The following OGDH variants were observed in gnomAD, a reference collection of about 807,000 sequenced individuals.
OGDH encodes 2-oxoglutarate dehydrogenase complex component E1.
Under a neutral mutation model 116.6 loss-of-function variants are expected in OGDH, and 38 were observed. The ratio of observed to expected loss-of-function variants is 0.33; its 90% CI spans 0.25 to 0.43. The LOEUF is 0.43. Among genes scored for constraint, OGDH ranks in the 20% least tolerant of loss-of-function variants. The pLI is 1.00. For missense variants in OGDH, 825 were observed against 1,357.2 expected, an observed-to-expected ratio of 0.61 and a Z score of 6.16; for synonymous variants, 488 against 533.3, an observed-to-expected ratio of 0.92 and a Z score of 1.17.
At chr7:44,674,075 C>T in intron 6 of OGDH, 134 bp downstream of exon 6, 2 of 1,014,746 alleles carry the variant, frequency 2.0e-6, no homozygotes. Flanking sequence ...AAAGCTCCAT[C>T]TGCACATGTG....
intron 5 of OGDH, among the ~76,000 whole-genome samples, chr7:44,667,165 G>A (rs746384658): frequency 1.8e-4 from 28 of 152,044 alleles, no homozygotes; most frequent in Admixed American, 5.9e-4. Flanking sequence ...TCCTCAGGCT[G>A]GTCTCAAATG....
In OGDH at chr7:44,696,941, G is replaced by A; in HGVS notation, c.1928G>A (p.Gly643Glu). ...GGLSRILKTR[G>E]EMVKNRTVDW... ...CTGAGCCGGATCTTGAAGACTCGTG[G>A]GGAAATGGTGAAGAACCGGACTGTG... The change falls in exon 15 of 23, where the codon GGG becomes GAG. Residue 643 changes from glycine (G) to glutamate (E), a missense_variant. Physicochemically the swap from Gly to Glu is moderately conservative, Grantham distance 98. Around this residue, in one of 7 missense-constraint regions of OGDH, gnomAD observed 92 missense variants for 129.7 expected, o/e 0.71. Coordinates refer to ENST00000222673, the MANE Select transcript of OGDH (RefSeq NM_002541.4). 6.2e-6 allele frequency: 10 copies of A among 1,613,672 alleles called. No homozygotes were observed. Among genetic ancestry groups the A allele is most frequent in the Non-Finnish European group, 8.5e-6 (10 of 1,179,696 alleles).
chr7:44,676,095 G>A lies in OGDH; in HGVS notation c.1152G>A (p.Val384=), dbSNP rs142740213. The A allele has an allele frequency of 1.4e-4, 219 of 1,614,052 alleles. No individual in the cohort carries two copies. The African/African-American group carries it at 2.6e-3, about 19-fold the overall frequency. ...ACCTTGAGGCCGCTGACCCCGTGGT[G>A]ATGGGCAAGACCAAAGCCGAACAGT... The part of the protein sequence containing the change: ...PSHLEAADPV[V]MGKTKAEQFY... The change falls in exon 9 of 23, where the codon GTG becomes GTA. Residue 384 remains valine, a synonymous_variant. Coordinates refer to ENST00000222673, the MANE Select transcript of OGDH (RefSeq NM_002541.4).
intron 1 of OGDH, among the ~76,000 whole-genome samples, chr7:44,620,986 G>A (rs942805975): frequency 4.6e-5 from 7 of 152,236 alleles, no homozygotes; most frequent in Admixed American, 2.6e-4. Context: ...AGTTGACTTA[G>A]TGTCAGTTAC....
rs112529883 is a variant in OGDH, at chr7:44,680,746, C to A, written c.1207-974C>A. Among the ~76,000 whole-genome samples, 896 of 152,234 alleles carry A rather than the reference C, an allele frequency of 5.9e-3. 12 individuals are homozygous for A. Among genetic ancestry groups the A allele is most frequent in the African/African-American group, 0.02 (834 of 41,534 alleles). On this transcript the variant is annotated intron_variant, in intron 9 of 22. Transcript: ENST00000222673. ...TTCTTAGAGAAACAGCTGATATTGTCCAGGGCTGGACAGGGACAGTACAAC... is the reference window on the plus strand; with the variant it reads ...TTCTTAGAGAAACAGCTGATATTGTACAGGGCTGGACAGGGACAGTACAAC...
At chr7:44,614,285 A>T in intron 1 of OGDH, among the ~76,000 whole-genome samples, 2 of 141,470 alleles carry the variant, frequency 1.4e-5, no homozygotes, top group Admixed American at 7.1e-5. Flanking sequence ...GGCTGCCTTC[A>T]AGGTTTTGGT....
Position 44,696,988 on chromosome 7 carries a change from A to G in OGDH, c.1975A>G (p.Met659Val), listed in dbSNP as rs1040255906. ...RTVDWALAEY[M>V]AFGSLLKEGI... ...TGTGGACTGGGCTCTAGCGGAGTAC[A>G]TGGCGTTTGGCTCGCTCCTGAAGGA... The change falls in exon 15 of 23, where the codon ATG becomes GTG. Residue 659 changes from methionine (M) to valine (V), a missense_variant. Around this residue, in one of 7 missense-constraint regions of OGDH, gnomAD observed 92 missense variants for 129.7 expected, o/e 0.71. Transcript: ENST00000222673. The G allele has an allele frequency of 1.2e-6, 2 of 1,614,216 alleles. No homozygotes were observed. Among genetic ancestry groups the G allele is most frequent in the South Asian group, 1.1e-5 (1 of 91,086 alleles).
In OGDH at chr7:44,707,456, C is replaced by T. The variant is rs1789133352; in HGVS notation, c.2796+68C>T. The stretch of plus-strand genomic sequence containing the variant: ...TCAGGGCTCTGGTGCCTTCACAGAA[C>T]AGCCTTGCTTGGGGTGTGGCCCTCA... On this transcript the variant is annotated intron_variant, in intron 21 of 22. Transcript: ENST00000222673. This position sits in a 1 kb window ranked among gnomAD's most constrained non-coding sequence, Gnocchi z 5.2. 5.0e-6 allele frequency: 8 copies of T among 1,601,412 alleles called. No individual in the cohort carries two copies. Among genetic ancestry groups the T allele is most frequent in the Non-Finnish European group, 6.8e-6 (8 of 1,172,858 alleles).
intron 2 of OGDH, among the ~76,000 whole-genome samples, chr7:44,630,875 C>T (rs1202100804): frequency 6.6e-6 from 1 of 152,184 alleles, no homozygotes; most frequent in South Asian, 2.1e-4. Flanking sequence ...CACCTCACAT[C>T]AGGCATTAGT....
At chr7:44,676,590 A>G (rs1202024524) in intron 9 of OGDH, 7 of 191,012 alleles carry the variant, frequency 3.7e-5, no homozygotes, top group African/African-American at 8.4e-5. Context: ...AAATATATGT[A>G]TATGTATGTA....
intron 2 of OGDH, among the ~76,000 whole-genome samples, chr7:44,634,281 T>A (rs1051516977): frequency 4.4e-4 from 67 of 152,320 alleles, no homozygotes; most frequent in African/African-American, 1.6e-3. Flanking sequence ...GACCGTACAC[T>A]GCTACTCCCC....
At chr7:44,656,458 A>G (rs1786695108) in intron 4 of OGDH, 1 of 1,096,742 alleles carries the variant, frequency 9.1e-7, no homozygotes, top group Non-Finnish European at 1.3e-6. Context: ...GGGAAAGTTG[A>G]CGCAACTTCT....
intron 1 of OGDH, among the ~76,000 whole-genome samples, chr7:44,617,697 A>G (rs1357433005): frequency 1.3e-5 from 2 of 152,232 alleles, no homozygotes; most frequent in Non-Finnish European, 1.5e-5. Flanking sequence ...TTCATGATTC[A>G]TCAGAAGAAT....
chr7:44,673,771 T>C lies in OGDH; in HGVS notation c.634-16T>C, dbSNP rs1307715395. ...GGTTAGAAATCCCCTTGACTGTGTG[T>C]TTCTGTATGGAATAGATGGCCTACT... On this transcript the variant is annotated splice_polypyrimidine_tract_variant and intron_variant, in intron 5 of 22. Coordinates refer to ENST00000222673, the MANE Select transcript of OGDH (RefSeq NM_002541.4). The C allele has an allele frequency of 4.3e-6, 7 of 1,613,942 alleles. No homozygotes were observed. Among genetic ancestry groups the C allele is most frequent in the African/African-American group, 1.3e-5 (1 of 74,938 alleles).
chr7:44,696,387 A>C (rs1032294648), intron 13 of OGDH, 42 bp from the exon 14 acceptor site: 4 of 1,593,220 alleles, frequency 2.5e-6, no homozygotes, highest in Admixed American at 1.8e-5. Flanking sequence ...TCCCTGGAAA[A>C]GTAGAGCAGA....
At chr7:44,660,354 C>A (rs1786880491) in intron 4 of OGDH, among the ~76,000 whole-genome samples, 1 of 151,918 alleles carries the variant, frequency 6.6e-6, no homozygotes, top group Admixed American at 6.6e-5. Flanking sequence ...TTATTGTATT[C>A]TTTGTATACC....
chr7:44,641,166 G>A (rs1785917928), intron 2 of OGDH, among the ~76,000 whole-genome samples: 1 of 147,576 alleles, frequency 6.8e-6, no homozygotes, highest in African/African-American at 2.5e-5. Context: ...CTCCCAAAGT[G>A]CTGGGATTAC....
chr7:44,631,202 C>G lies in OGDH; in HGVS notation c.222+6637C>G, dbSNP rs185972251. Among the ~76,000 whole-genome samples the G allele has an allele frequency of 2.6e-5, 4 of 152,278 alleles. No individual in the cohort carries two copies. In the East Asian group the frequency reaches 7.7e-4, roughly 29 times the overall value. ...TTGGTTGAATCCATGGATGCAGAAC[C>G]CACAGATACGGAGGGCTGACTGTAT... On this transcript the variant is annotated intron_variant, in intron 2 of 22. Coordinates refer to ENST00000222673, the MANE Select transcript of OGDH (RefSeq NM_002541.4).
intron 2 of OGDH, among the ~76,000 whole-genome samples, chr7:44,642,141 G>GC (rs11372543): frequency 0.19 from 28,719 of 152,124 alleles, 6,373 homozygotes; most frequent in African/African-American, 0.52. Flanking sequence ...TTTAGGCCCA[G>GC]ATGGTGGCTC....
Sources: allele counts gnomAD v4.1 joint callset (sites outside exome capture counted in the v4.1 genomes callset), GRCh38; gene constraint gnomAD v4.1.1; regional missense constraint gnomAD v4.1.1; non-coding constraint Gnocchi (gnomAD v3.1); transcripts MANE v1.5; gene names NCBI Gene and HGNC (gene_info 2026-07-23, HGNC 2026-07-21).